ACSS3: variants seen among roughly 807,000 people sequenced by gnomAD.
ACSS3 encodes acyl-CoA synthetase short chain family member 3, also known as acyl-CoA synthetase short-chain family member 3, mitochondrial.
In ACSS3, 64 loss-of-function variants were observed where a neutral mutation model predicts 84.2. That is an observed-to-expected ratio of 0.76 (90% confidence interval 0.62 to 0.94). The LOEUF is 0.94. ACSS3 is among the 40% of genes least tolerant of loss of function. The pLI is 0.00. For synonymous variants in ACSS3, 317 were observed against 310.1 expected, an observed-to-expected ratio of 1.02 and a Z score of -0.23; for missense variants, 815 against 867.6, an observed-to-expected ratio of 0.94 and a Z score of 0.76.
At position 81,256,900 on chromosome 12, in the gene ACSS3, A is replaced by T. The variant is rs531865821; in HGVS notation, c.*1978A>T. 6.6e-6 allele frequency: 1 copy of T among 152,240 alleles called. No individual in the cohort carries two copies. Among genetic ancestry groups the T allele is most frequent in the African/African-American group, 2.4e-5 (1 of 41,564 alleles). 9.4% of individuals were successfully genotyped at this position (152,240 alleles called of 1,614,324 possible). On this transcript the variant is annotated 3_prime_UTR_variant, in exon 16 of 16. Transcript: ENST00000548058. Reference sequence around the variant, plus strand: ...TCATTTGAAGCTGTTGGGATCCTTGAGTTGCCTCTTTCATTGGTACGTTTT... The same window carrying T: ...TCATTTGAAGCTGTTGGGATCCTTGTGTTGCCTCTTTCATTGGTACGTTTT...
At chr12:81,092,258 G>A (rs1406588435) in intron 1 of ACSS3, among the ~76,000 whole-genome samples, 1 of 151,918 alleles carries the variant, frequency 6.6e-6, no homozygotes, top group Non-Finnish European at 1.5e-5. Flanking sequence ...CACTATTCCA[G>A]GTGCAAGATG....
chr12:81,213,866 T>TC lies in ACSS3; in HGVS notation c.1355-3035_1355-3034insC, dbSNP rs1192291994. 4.6e-4 allele frequency among the ~76,000 whole-genome samples: 50 copies of TC among 109,626 alleles called. 2 individuals are homozygous for TC. In the East Asian group the frequency reaches 7.9e-3, roughly 17 times the overall value. 71.9% of individuals were successfully genotyped at this position (109,626 alleles called of 152,430 possible). On this transcript the variant is annotated intron_variant, in intron 9 of 15. Transcript: ENST00000548058. Reference sequence around the variant, plus strand: ...CTCTCCTCTCCTCTCTTCTCTTCCTTTCTTTCTTTCTTTCTTTCCTTTCTT... The same window carrying TC: ...CTCTCCTCTCCTCTCTTCTCTTCCTTCTCTTTCTTTCTTTCTTTCCTTTCTT...
chr12:81,198,562 A>G (rs1457985672), intron 8 of ACSS3, among the ~76,000 whole-genome samples: 2 of 151,362 alleles, frequency 1.3e-5, no homozygotes, highest in African/African-American at 4.9e-5. Context: ...TTTTATATAT[A>G]TATAAACAGG....
chr12:81,155,416 G>A (rs1436229876), intron 7 of ACSS3, among the ~76,000 whole-genome samples: 3 of 152,026 alleles, frequency 2.0e-5, no homozygotes, highest in East Asian at 1.9e-4. Context: ...CTAACCTATT[G>A]TTAGACATCT....
chr12:81,229,475 A>C (rs1292979125), intron 11 of ACSS3, among the ~76,000 whole-genome samples: 1 of 151,906 alleles, frequency 6.6e-6, no homozygotes, highest in African/African-American at 2.4e-5. Context: ...AATGCTTAAA[A>C]AATCGATGAT....
At position 81,140,393 on chromosome 12, in the gene ACSS3, A is replaced by AT. The variant is rs71098124; in HGVS notation, c.780+1139dup. 2.6e-4 allele frequency among the ~76,000 whole-genome samples: 39 copies of AT among 150,708 alleles called. No homozygotes were observed. In the South Asian group the frequency reaches 4.4e-3, roughly 17 times the overall value. ...CCAACTTGGGTTTCTAGCAGATTAAATTTTTTTTTTTGCAGAAGTGAAATT... is the reference window on the plus strand; with the variant it reads ...CCAACTTGGGTTTCTAGCAGATTAAATTTTTTTTTTTTGCAGAAGTGAAATT... On this transcript the variant is annotated intron_variant, in intron 4 of 15. Transcript: ENST00000548058.
chr12:81,114,387 T>C (rs1454284230), intron 2 of ACSS3, among the ~76,000 whole-genome samples: 1 of 152,120 alleles, frequency 6.6e-6, no homozygotes, highest in Non-Finnish European at 1.5e-5. Context: ...CTGTAGGATA[T>C]TTTCTTCAAA....
At chr12:81,177,563 A>C (rs1313660903) in intron 8 of ACSS3, among the ~76,000 whole-genome samples, 1 of 152,176 alleles carries the variant, frequency 6.6e-6, no homozygotes, top group East Asian at 1.9e-4. Flanking sequence ...CAACCTACTC[A>C]TCTGACAAAG....
intron 8 of ACSS3, among the ~76,000 whole-genome samples, chr12:81,191,453 T>C (rs1334141773): frequency 6.6e-6 from 1 of 152,188 alleles, no homozygotes; most frequent in African/African-American, 2.4e-5. Flanking sequence ...TCTCATAAAA[T>C]GGGCATGGAA....
chr12:81,156,306 G>A (rs1281134260), intron 7 of ACSS3, among the ~76,000 whole-genome samples: 1 of 151,438 alleles, frequency 6.6e-6, no homozygotes, highest in African/African-American at 2.4e-5. Context: ...CACAACTAAG[G>A]CAGTTCTGAG....
At position 81,173,783 on chromosome 12, in the gene ACSS3, G is replaced by A. The variant is rs1421747806; in HGVS notation, c.1099-1005G>A. ...CAGAGTTTCATGGGAAACAGAGATC[G>A]AGAATTTAATCACAGAGGTTTTGGA... is the stretch of plus-strand genomic sequence containing the variant. On this transcript the variant is annotated intron_variant, in intron 7 of 15. Coordinates refer to ENST00000548058, the MANE Select transcript of ACSS3 (RefSeq NM_024560.4). Among the ~76,000 whole-genome samples the A allele has an allele frequency of 3.3e-5, 5 of 152,176 alleles. No homozygotes were observed. In the East Asian group the frequency reaches 5.8e-4, roughly 18 times the overall value.
At chr12:81,214,175 A>G (rs966826399) in intron 9 of ACSS3, among the ~76,000 whole-genome samples, 2 of 151,220 alleles carry the variant, frequency 1.3e-5, no homozygotes, top group Non-Finnish European at 2.9e-5. Context: ...GCAGGTGGGT[A>G]CCACCACGCC....
chr12:81,092,459 G>A (rs1204254149), intron 1 of ACSS3, among the ~76,000 whole-genome samples: 1 of 152,064 alleles, frequency 6.6e-6, no homozygotes, highest in Non-Finnish European at 1.5e-5. Flanking sequence ...TCTACAATCA[G>A]TTCTACTCTG....
rs542670456 is a variant in ACSS3, at chr12:81,256,073, T to C, written c.*1151T>C. The C allele has an allele frequency of 1.3e-5, 2 of 152,316 alleles. No individual in the cohort carries two copies. Among genetic ancestry groups the C allele is most frequent in the South Asian group, 4.1e-4 (2 of 4,832 alleles). 9.4% of individuals were successfully genotyped at this position (152,316 alleles called of 1,614,324 possible). On this transcript the variant is annotated 3_prime_UTR_variant, in exon 16 of 16. Coordinates refer to ENST00000548058, the MANE Select transcript of ACSS3 (RefSeq NM_024560.4). ...GTTTCTAGGCAGGTAGTGTAATGTC[T>C]AGGTGATTTTGAAGTGAACTTAAGC... is the stretch of plus-strand genomic sequence containing the variant.
intron 5 of ACSS3, 36 bp from the exon 6 acceptor site, chr12:81,151,808 G>T (rs773996758): frequency 5.7e-6 from 9 of 1,580,850 alleles, no homozygotes; most frequent in Middle Eastern, 1.7e-4. Flanking sequence ...TTTACACATT[G>T]TTTATTGATT....
chr12:81,183,685 G>C (rs1008232639), intron 8 of ACSS3, among the ~76,000 whole-genome samples: 1 of 151,948 alleles, frequency 6.6e-6, no homozygotes, highest in African/African-American at 2.4e-5. Context: ...CAAATCAAAA[G>C]CTGTCACAAG....
intron 2 of ACSS3, among the ~76,000 whole-genome samples, chr12:81,124,825 T>C (rs1317198247): frequency 6.6e-6 from 1 of 152,226 alleles, no homozygotes; most frequent in Non-Finnish European, 1.5e-5. Context: ...TAATCTTTCT[T>C]TGGTCTCCTG....
chr12:81,220,143 G>A, intron 11 of ACSS3, 67 bp downstream of exon 11: 2 of 1,004,266 alleles, frequency 2.0e-6, no homozygotes, highest in Non-Finnish European at 2.8e-6. Context: ...AGAAAAAATG[G>A]GGTCATTGCA....
In ACSS3 at chr12:81,134,870, G is replaced by T. The variant is rs759526900; in HGVS notation, c.511G>T (p.Val171Leu). Residue 171 changes from valine (V) to leucine (L), a missense_variant, in exon 3 of 16, where the codon GTG (valine) becomes TTG (leucine). Transcript: ENST00000548058. ...GCATGGCATCAAGAAAGGTGACACT[G>T]TGGTTATCTACATGCCTATGATCCC... ...VKHGIKKGDT[V>L]VIYMPMIPQA... The T allele has an allele frequency of 8.8e-6, 14 of 1,598,168 alleles. No homozygotes were observed. In the Admixed American group the frequency reaches 1.7e-4, roughly 20 times the overall value.
Sources: gnomAD v4.1 joint callset for allele counts (sites outside exome capture counted in the v4.1 genomes callset) on GRCh38, gnomAD v4.1.1 for gene constraint, MANE v1.5 for transcripts, NCBI Gene and HGNC (gene_info 2026-07-23, HGNC 2026-07-21) for gene names.